The following PRKCB variants were observed in gnomAD, a reference collection of about 807,000 sequenced individuals.
The protein encoded by PRKCB is protein kinase C beta, also known as protein kinase C beta type.
PRKCB carries 13 observed loss-of-function variants against 81.5 expected under a neutral mutation model. That is an observed-to-expected ratio of 0.16 (90% CI 0.10 to 0.25). PRKCB has a LOEUF of 0.25. Among genes scored for constraint, PRKCB ranks in the 10% least tolerant of loss-of-function variants. The pLI, the probability that PRKCB is intolerant of heterozygous loss-of-function variation, is 1.00. For synonymous variants in PRKCB, 335 were observed against 321.4 expected, an observed-to-expected ratio of 1.04 and a Z score of -0.45; for missense variants, 509 against 875.7, an observed-to-expected ratio of 0.58 and a Z score of 5.29.
chr16:23,973,033 T>C (rs1021189805), intron 2 of PRKCB, among the ~76,000 whole-genome samples: 2 of 152,228 alleles, frequency 1.3e-5, no homozygotes, highest in Admixed American at 6.5e-5. Flanking sequence ...CATGAGTAGG[T>C]ACTCTTAATT....
chr16:24,137,068 T>C (rs1966867434), intron 9 of PRKCB, among the ~76,000 whole-genome samples: 1 of 151,324 alleles, frequency 6.6e-6, no homozygotes, highest in East Asian at 1.9e-4. Flanking sequence ...TTTGTATTTT[T>C]AGTAGAGACG....
At chr16:23,910,106 T>C (rs983421094) in intron 2 of PRKCB, among the ~76,000 whole-genome samples, 1 of 152,158 alleles carries the variant, frequency 6.6e-6, no homozygotes, top group African/African-American at 2.4e-5. Context: ...CTGAACATGC[T>C]GACAGTGTCA....
At chr16:24,105,420 G>T (rs1021590925) in intron 7 of PRKCB, among the ~76,000 whole-genome samples, 3 of 151,856 alleles carry the variant, frequency 2.0e-5, no homozygotes, top group African/African-American at 4.8e-5. Flanking sequence ...GAAAGTGCAG[G>T]TTTGTTACAT....
chr16:24,185,861 G>T (rs2239344), intron 15 of PRKCB, among the ~76,000 whole-genome samples: 45,112 of 152,158 alleles, frequency 0.3, 6,840 homozygotes, highest in South Asian at 0.48. Context: ...GAGGTAGAAA[G>T]CACAGAGATT....
At chr16:24,107,717 G>A (rs80278303) in intron 7 of PRKCB, among the ~76,000 whole-genome samples, 107 of 152,294 alleles carry the variant, frequency 7.0e-4, no homozygotes, top group African/African-American at 1.8e-3. Context: ...GCCCCTGCCC[G>A]CTGCGCCAGG....
At chr16:24,207,560 A>G (rs1301851626) in intron 16 of PRKCB, among the ~76,000 whole-genome samples, 1 of 152,220 alleles carries the variant, frequency 6.6e-6, no homozygotes. Flanking sequence ...ATGTCATTTA[A>G]TATTCTTCTA....
intron 5 of PRKCB, among the ~76,000 whole-genome samples, chr16:24,063,072 C>T (rs113370388): frequency 1.2e-4 from 18 of 152,066 alleles, no homozygotes; most frequent in Non-Finnish European, 1.0e-4. Flanking sequence ...GGCCCCTTCT[C>T]TGTGTCTCCA....
At chr16:24,052,779 T>C (rs777269709) in intron 5 of PRKCB, among the ~76,000 whole-genome samples, 10 of 152,248 alleles carry the variant, frequency 6.6e-5, no homozygotes. Context: ...TTTGACCTAC[T>C]TCTTTAACAC....
intron 15 of PRKCB, among the ~76,000 whole-genome samples, chr16:24,186,459 C>G (rs1395249613): frequency 2.6e-5 from 4 of 152,144 alleles, no homozygotes; most frequent in African/African-American, 9.7e-5. Context: ...TAGAATTAGA[C>G]GCCCAGAAAA....
Position 24,185,201 on chromosome 16 carries a change from T to C in PRKCB, c.1614+10T>C. On this transcript the variant is annotated intron_variant, in intron 14 of 16. Coordinates refer to ENST00000643927, the MANE Select transcript of PRKCB (RefSeq NM_002738.7). ...AATGTTGGCTGGGCAGGTAATTGAATTTTAAGTGATCGATAAGAGAAGTCC... is the reference window on the plus strand; with the variant it reads ...AATGTTGGCTGGGCAGGTAATTGAACTTTAAGTGATCGATAAGAGAAGTCC... The C allele has an allele frequency of 3.1e-6, 5 of 1,611,184 alleles. No homozygotes were observed. Among genetic ancestry groups the C allele is most frequent in the Non-Finnish European group, 4.2e-6 (5 of 1,177,976 alleles).
chr16:23,986,347 G>A (rs758292431), intron 2 of PRKCB, among the ~76,000 whole-genome samples: 4 of 152,072 alleles, frequency 2.6e-5, no homozygotes, highest in Non-Finnish European at 4.4e-5. Context: ...CCAACTTCCT[G>A]GGCTCAAGCG....
chr16:24,056,934 G>A (rs1965908872), intron 5 of PRKCB, among the ~76,000 whole-genome samples: 1 of 152,174 alleles, frequency 6.6e-6, no homozygotes, highest in Non-Finnish European at 1.5e-5. Context: ...GTGAGTCTTG[G>A]GCCCGTGGTG....
rs188138211 is a variant in PRKCB, at chr16:23,910,518, C to G, written c.205+73112C>G. ...ACAGAAACAGAGCAGGTCTCAGGCTCGGGCCGTTAGGCAATGATGTCAAGC... is the reference window on the plus strand; with the variant it reads ...ACAGAAACAGAGCAGGTCTCAGGCTGGGGCCGTTAGGCAATGATGTCAAGC... On this transcript the variant is annotated intron_variant, in intron 2 of 16. Transcript: ENST00000643927. Among the ~76,000 whole-genome samples, 153 of 152,198 alleles carry G rather than the reference C, an allele frequency of 1.0e-3. 2 individuals are homozygous for G. Among genetic ancestry groups the G allele is most frequent in the Non-Finnish European group, 4.7e-4 (32 of 68,026 alleles).
intron 7 of PRKCB, among the ~76,000 whole-genome samples, chr16:24,100,589 G>A (rs1037738239): frequency 1.3e-5 from 2 of 151,952 alleles, no homozygotes; most frequent in Non-Finnish European, 2.9e-5. Context: ...TCTGGCCAGC[G>A]TTCCAGCCGA....
At chr16:24,087,206 A>G (rs6497721) in intron 5 of PRKCB, among the ~76,000 whole-genome samples, 24,974 of 152,218 alleles carry the variant, frequency 0.16, 3,535 homozygotes, top group African/African-American at 0.38. Flanking sequence ...ATTATCTGAC[A>G]GTTCAGCTCC....
At chr16:23,860,146 G>A (rs1962641233) in intron 2 of PRKCB, among the ~76,000 whole-genome samples, 1 of 152,084 alleles carries the variant, frequency 6.6e-6, no homozygotes, top group Non-Finnish European at 1.5e-5. Context: ...TTGAAAAAGG[G>A]GTGAATGATA....
chr16:24,074,305 C>T (rs116753871), intron 5 of PRKCB, among the ~76,000 whole-genome samples: 2,762 of 152,248 alleles, frequency 0.018, 86 homozygotes, highest in African/African-American at 0.064. Flanking sequence ...AGAGTGCAGC[C>T]TTGGGAGGAA....
intron 2 of PRKCB, among the ~76,000 whole-genome samples, chr16:23,887,337 C>T (rs1036536150): frequency 1.3e-5 from 2 of 152,126 alleles, no homozygotes; most frequent in African/African-American, 2.4e-5. Flanking sequence ...GTTTTTAAAC[C>T]GTTACCCCCT....
intron 5 of PRKCB, among the ~76,000 whole-genome samples, chr16:24,046,929 G>T (rs1965773783): frequency 6.6e-6 from 1 of 152,176 alleles, no homozygotes; most frequent in Non-Finnish European, 1.5e-5. Context: ...TCTGAGCCTG[G>T]TGTGGTAGCA....
Sources: gnomAD v4.1 joint callset for allele counts (sites outside exome capture counted in the v4.1 genomes callset) on GRCh38, gnomAD v4.1.1 for gene constraint, MANE v1.5 for transcripts, NCBI Gene and HGNC (gene_info 2026-07-23, HGNC 2026-07-21) for gene names.